RARS2: variants seen among roughly 807,000 people sequenced by gnomAD.
RARS2 encodes arginyl-tRNA synthetase 2, mitochondrial.
A neutral mutation model predicts 88.5 loss-of-function variants in RARS2; 67 were observed. The observed-to-expected ratio is 0.76, with a 90% CI of 0.62 to 0.93. RARS2 has a LOEUF of 0.93. Ranked by LOEUF, RARS2 falls within the 40% of genes least tolerant of loss-of-function variation. The pLI is 0.00. For missense variants in RARS2, 664 were observed against 684.2 expected (o/e 0.97, Z 0.33); for synonymous variants, 239 against 230.3 (o/e 1.04, Z -0.34).
chr6:87,579,662 A>AG (rs1340653168), intron 1 of RARS2, among the ~76,000 whole-genome samples: 3 of 150,828 alleles, frequency 2.0e-5, no homozygotes, highest in South Asian at 2.1e-4. Flanking sequence ...ATAAAAAAAA[A>AG]AGAGAGAGAG....
rs537882112 is a variant in RARS2 at position 87,589,102 on chromosome 6, C to T, written c.36+820G>A. 9.2e-5 allele frequency among the ~76,000 whole-genome samples: 14 copies of T among 152,334 alleles called. No homozygotes were observed. In the East Asian group the frequency reaches 2.7e-3, roughly 29 times the overall value. On this transcript the variant is annotated intron_variant, in intron 1 of 19. Transcript: ENST00000369536. ...AAATTATACACCAGGCTAATTACGT[C>T]CACTAGTACATCCATTAATCAGAAG...
intron 7 of RARS2, among the ~76,000 whole-genome samples, chr6:87,542,627 A>G (rs1184006454): frequency 6.6e-6 from 1 of 151,250 alleles, no homozygotes; most frequent in Non-Finnish European, 1.5e-5. Context: ...TTCAGAGTTC[A>G]GGGATAGTGT....
intron 17 of RARS2, 63 bp from the exon 18 acceptor site, chr6:87,516,943 A>G (rs771299376): frequency 2.5e-6 from 4 of 1,602,540 alleles, no homozygotes; most frequent in Non-Finnish European, 2.6e-6. Flanking sequence ...GACATTAGAC[A>G]TTAAAAGATT....
intron 4 of RARS2, among the ~76,000 whole-genome samples, chr6:87,559,609 A>T (rs190383689): frequency 1.5e-3 from 226 of 152,236 alleles, no homozygotes; most frequent in African/African-American, 5.1e-3. Flanking sequence ...CTCCTGCCTC[A>T]GCCTCTCAAA....
intron 5 of RARS2, among the ~76,000 whole-genome samples, chr6:87,551,844 G>GAGAAA (rs927518394): frequency 4.6e-5 from 7 of 152,030 alleles, no homozygotes; most frequent in Non-Finnish European, 7.4e-5. Flanking sequence ...AAATCATGTT[G>GAGAAA]AGAAAAGAAA....
intron 3 of RARS2, 151 bp downstream of exon 3, chr6:87,563,979 T>C (rs1788635395): frequency 1.6e-5 from 11 of 684,662 alleles, no homozygotes; most frequent in South Asian, 1.5e-4. Flanking sequence ...AACCTTATAG[T>C]ACATGGCTAA....
intron 4 of RARS2, among the ~76,000 whole-genome samples, chr6:87,558,040 G>A (rs1786566901): frequency 6.6e-6 from 1 of 152,050 alleles, no homozygotes; most frequent in Admixed American, 6.6e-5. Context: ...AGCCAGGTGT[G>A]GTGGTAGGCG....
intron 6 of RARS2, among the ~76,000 whole-genome samples, chr6:87,546,904 G>A (rs1440315014): frequency 6.6e-6 from 1 of 152,092 alleles, no homozygotes; most frequent in East Asian, 1.9e-4. Flanking sequence ...CACACAGATG[G>A]CATATTCCTA....
intron 1 of RARS2, among the ~76,000 whole-genome samples, chr6:87,575,874 T>C (rs1476856894): frequency 6.6e-6 from 1 of 150,958 alleles, no homozygotes; most frequent in African/African-American, 2.4e-5. Flanking sequence ...TAGAGGGCAA[T>C]GGTGTGATCG....
At chr6:87,515,163 T>G (rs1238507015) in intron 18 of RARS2, 143 bp from the exon 19 acceptor site, 1 of 734,788 alleles carries the variant, frequency 1.4e-6, no homozygotes, top group Non-Finnish European at 2.4e-6. Flanking sequence ...AAGTTGAAAC[T>G]GGAATTCAAA....
intron 5 of RARS2, among the ~76,000 whole-genome samples, chr6:87,550,894 T>A (rs1784126635): frequency 6.6e-6 from 1 of 151,108 alleles, no homozygotes; most frequent in Non-Finnish European, 1.5e-5. Flanking sequence ...GGAGGGTGAA[T>A]AAAACACTGA....
At chr6:87,521,438 C>A in intron 12 of RARS2, 26 bp downstream of exon 12, 1 of 1,537,612 alleles carries the variant, frequency 6.5e-7, no homozygotes, top group South Asian at 1.1e-5. Flanking sequence ...GTTAAGAGAT[C>A]ATAACTTTTT....
chr6:87,564,302 C>A, intron 2 of RARS2, 70 bp from the exon 3 acceptor site: 1 of 1,083,346 alleles, frequency 9.2e-7, no homozygotes, highest in South Asian at 1.3e-5. Flanking sequence ...AAAGACTAAT[C>A]ACTATGAGTT....
intron 13 of RARS2, 105 bp from the exon 14 acceptor site, chr6:87,519,812 G>A: frequency 7.4e-7 from 1 of 1,357,436 alleles, no homozygotes; most frequent in Non-Finnish European, 1.0e-6. Flanking sequence ...TCAGAGCAGA[G>A]TTTTTAAAAA....
chr6:87,521,536 T>A lies in RARS2; in HGVS notation c.975-12A>T. 4 of 1,610,494 alleles carry A rather than the reference T, an allele frequency of 2.5e-6. No individual in the cohort carries two copies. Among genetic ancestry groups the A allele is most frequent in the Non-Finnish European group, 3.4e-6 (4 of 1,177,066 alleles). ...CAGCTGCAAGATCTCTGAAACAAAG[T>A]GGCCATAAACCAAGAGTTACTAAGC... On this transcript the variant is annotated splice_polypyrimidine_tract_variant and intron_variant, in intron 11 of 19. Transcript: ENST00000369536.
chr6:87,548,429 T>A (rs1028063523), intron 6 of RARS2, among the ~76,000 whole-genome samples, 162 bp downstream of exon 6: 2 of 152,220 alleles, frequency 1.3e-5, no homozygotes, highest in Non-Finnish European at 2.9e-5. Flanking sequence ...CACAAAACAG[T>A]GTAACCAATG....
chr6:87,516,047 T>A (rs1295846640), intron 18 of RARS2: 2 of 152,016 alleles, frequency 1.3e-5, no homozygotes, highest in Non-Finnish European at 2.9e-5. Context: ...TACATAAATC[T>A]AGAGAAGACA....
chr6:87,545,468 G>T, intron 7 of RARS2, 148 bp downstream of exon 7: 1 of 913,720 alleles, frequency 1.1e-6, no homozygotes, highest in Non-Finnish European at 1.6e-6. Context: ...AAGATTTTAT[G>T]CAAAAGAGCC....
At chr6:87,541,436 C>T (rs1195508224) in intron 8 of RARS2, among the ~76,000 whole-genome samples, 4 of 152,164 alleles carry the variant, frequency 2.6e-5, no homozygotes, top group African/African-American at 7.2e-5. Context: ...CTTGGCCTCC[C>T]AAAGTGCTGG....
Sources: allele counts gnomAD v4.1 joint callset (sites outside exome capture counted in the v4.1 genomes callset), GRCh38; gene constraint gnomAD v4.1.1; transcripts MANE v1.5; gene names NCBI Gene and HGNC (gene_info 2026-07-23, HGNC 2026-07-21).